Variants in CACNA2D2 observed in about 807,000 individuals in gnomAD.
CACNA2D2 encodes the protein voltage-dependent calcium channel subunit alpha-2/delta-2.
In CACNA2D2, 48 loss-of-function variants were observed where a neutral mutation model predicts 166.4. That is an observed-to-expected ratio of 0.29 (90% CI 0.23 to 0.37). The LOEUF (loss-of-function observed/expected upper bound fraction) is 0.37. Among genes scored for constraint, CACNA2D2 ranks in the 10% least tolerant of loss-of-function variants. CACNA2D2 has a pLI of 1.00. For missense variants in CACNA2D2, 1,122 were observed against 1,433.0 expected, an observed-to-expected ratio of 0.78 and a Z score of 3.50; for synonymous variants, 561 against 573.7, an observed-to-expected ratio of 0.98 and a Z score of 0.32.
In CACNA2D2 at chr3:50,365,957, G is replaced by T; in HGVS notation, c.2862+54C>A. ...ATGTCAGAGGTAGGGGGTCATCTGTGGGCAGGTCTCCCAGTCCCCCCCATC... is the reference window on the plus strand; with the variant it reads ...ATGTCAGAGGTAGGGGGTCATCTGTTGGCAGGTCTCCCAGTCCCCCCCATC... On this transcript the variant is annotated intron_variant, in intron 32 of 37. Coordinates refer to ENST00000424201, the MANE Select transcript of CACNA2D2 (RefSeq NM_006030.4). The surrounding 1 kb of genome is among the most constrained non-coding windows in gnomAD (Gnocchi z 4.5). 3 of 1,610,884 alleles carry T rather than the reference G, an allele frequency of 1.9e-6. No individual in the cohort carries two copies. The highest frequency in any genetic ancestry group is 2.5e-6 in the Non-Finnish European group (3 of 1,178,444).
chr3:50,438,549 G>C lies in CACNA2D2; in HGVS notation c.289-4120C>G, dbSNP rs538011872. On this transcript the variant is annotated intron_variant, in intron 2 of 37. Transcript: ENST00000424201. ...GGACCCTTGCAGGAATGGTGACCTT[G>C]GACAGGAAGCCTGCATGCTGGCAGG... Among the ~76,000 whole-genome samples the C allele has an allele frequency of 2.0e-5, 3 of 152,306 alleles. 1 individual carries two copies. The South Asian group carries it at 6.2e-4, about 32-fold the overall frequency.
chr3:50,466,257 A>AGT (rs200796371), intron 2 of CACNA2D2, among the ~76,000 whole-genome samples: 3,886 of 149,130 alleles, frequency 0.026, 178 homozygotes, highest in African/African-American at 0.09. Flanking sequence ...GCATGGGGGA[A>AGT]GTGTGTGTGT....
intron 1 of CACNA2D2, among the ~76,000 whole-genome samples, chr3:50,491,073 G>C (rs565821198): frequency 5.9e-5 from 9 of 152,208 alleles, no homozygotes; most frequent in Non-Finnish European, 1.0e-4. Context: ...CCCATGGAAT[G>C]AGATGGCTTC....
rs1448275862 is a variant in CACNA2D2 at position 50,364,966 on chromosome 3, G to C, written c.3213C>G (p.Asp1071Glu). Residue 1071 changes from aspartate (D) to glutamate (E), a missense_variant, in exon 37 of 38, where the codon GAC (aspartate) becomes GAG (glutamate). Asp to Glu is a conservative substitution (Grantham distance 45, BLOSUM62 2). Coordinates refer to ENST00000424201, the MANE Select transcript of CACNA2D2 (RefSeq NM_006030.4). ...GCACTAGCTCACACTGCTCCGGGCC[G>C]TCCGCTGGGCATGGGTGGGGAGTCA... The part of the protein sequence containing the change: ...GRLLQKETHS[D>E]GPEQCELVQR... 1.9e-6 allele frequency: 3 copies of C among 1,612,626 alleles called. No homozygotes were observed. Among genetic ancestry groups the C allele is most frequent in the Non-Finnish European group, 2.5e-6 (3 of 1,179,782 alleles).
chr3:50,381,042 A>AGT lies in CACNA2D2; in HGVS notation c.736_737insAC (p.Leu246HisfsTer54). The AGT allele has an allele frequency of 6.2e-7, 1 of 1,613,906 alleles. No homozygotes were observed. The highest frequency in any genetic ancestry group is 8.5e-7 in the Non-Finnish European group (1 of 1,179,872). On this transcript the variant is annotated frameshift_variant, in exon 7 of 38. Transcript: ENST00000424201. LOFTEE classifies it high-confidence loss of function. ...TGTGGCGCTGCCGAAGACCTGCCAC[A>AGT]GCAGTGTGGGGTCTTGTCTGCGGTT... is the stretch of plus-strand genomic sequence containing the variant.
chr3:50,450,291 T>C (rs1037837667), intron 2 of CACNA2D2, among the ~76,000 whole-genome samples: 7 of 152,090 alleles, frequency 4.6e-5, no homozygotes, highest in Non-Finnish European at 1.0e-4. Context: ...ACCCAGTTCC[T>C]GTGTGGGCTT....
chr3:50,394,003 C>A, intron 4 of CACNA2D2, 106 bp downstream of exon 4: 3 of 961,324 alleles, frequency 3.1e-6, no homozygotes, highest in Non-Finnish European at 4.9e-6. Context: ...ACTCCACAGA[C>A]CCCTCTGTGT....
chr3:50,381,277 G>C (rs1205208118), intron 6 of CACNA2D2, 151 bp from the exon 7 acceptor site: 2 of 823,738 alleles, frequency 2.4e-6, no homozygotes, highest in East Asian at 5.1e-5. Flanking sequence ...GCCCAGCTGG[G>C]GCTGCCCCAG....
intron 2 of CACNA2D2, among the ~76,000 whole-genome samples, chr3:50,439,654 G>A (rs898537137): frequency 1.3e-5 from 2 of 152,226 alleles, no homozygotes; most frequent in South Asian, 2.1e-4. Context: ...GACTGTGGGC[G>A]AGGCCTCCTG....
chr3:50,471,543 C>T (rs974875597), intron 2 of CACNA2D2, among the ~76,000 whole-genome samples: 3 of 152,182 alleles, frequency 2.0e-5, no homozygotes, highest in Non-Finnish European at 1.5e-5. Flanking sequence ...AGAGGGCACC[C>T]GCCCAGAGTG....
intron 3 of CACNA2D2, among the ~76,000 whole-genome samples, chr3:50,402,126 T>A (rs1706479375): frequency 6.6e-6 from 1 of 152,336 alleles, no homozygotes. Flanking sequence ...CTGGCTTTCA[T>A]TGCTTTTTTG....
chr3:50,382,018 A>ACACACC (rs961831935), intron 6 of CACNA2D2, among the ~76,000 whole-genome samples: 10 of 151,656 alleles, frequency 6.6e-5, no homozygotes, highest in African/African-American at 1.7e-4. Context: ...ACACACACAC[A>ACACACC]CACAAACAAG....
intron 2 of CACNA2D2, among the ~76,000 whole-genome samples, chr3:50,470,412 C>A (rs1478621775): frequency 6.6e-6 from 1 of 152,148 alleles, no homozygotes; most frequent in Non-Finnish European, 1.5e-5. Context: ...ACAGGCATCC[C>A]AGGACAGTCC....
chr3:50,446,497 T>G (rs1416754209), intron 2 of CACNA2D2, among the ~76,000 whole-genome samples: 1 of 152,210 alleles, frequency 6.6e-6, no homozygotes, highest in Non-Finnish European at 1.5e-5. Context: ...TGGGATCCTG[T>G]AACTCCTCTT....
At chr3:50,422,766 G>T (rs141456760) in intron 3 of CACNA2D2, among the ~76,000 whole-genome samples, 2 of 152,206 alleles carry the variant, frequency 1.3e-5, no homozygotes, top group Non-Finnish European at 2.9e-5. Flanking sequence ...CTGCAATCTC[G>T]CCTGGCGCTT....
rs752108747 is a variant in CACNA2D2 at position 50,379,928 on chromosome 3, G to A, written c.893+40C>T. On this transcript the variant is annotated intron_variant, in intron 9 of 37. Transcript: ENST00000424201. This position sits in a 1 kb window ranked among gnomAD's most constrained non-coding sequence, Gnocchi z 6.5. ...GGCAGCAGAGTCTAGCCCATTGCCC[G>A]TCCCTGCCCCAGCCCCACTTGCCAG... is the stretch of plus-strand genomic sequence containing the variant. 58 of 1,613,498 alleles carry A rather than the reference G, an allele frequency of 3.6e-5. 1 individual carries two copies. In the Middle Eastern group the frequency reaches 4.8e-3, roughly 133 times the overall value.
intron 3 of CACNA2D2, among the ~76,000 whole-genome samples, chr3:50,399,336 C>CT (rs1261472171): frequency 6.6e-6 from 1 of 152,210 alleles, no homozygotes; most frequent in East Asian, 1.9e-4. Context: ...GTTCTTTGGT[C>CT]TTAATTAGTT....
intron 3 of CACNA2D2, among the ~76,000 whole-genome samples, chr3:50,405,589 G>C (rs140950785): frequency 6.6e-6 from 1 of 152,296 alleles, no homozygotes; most frequent in Non-Finnish European, 1.5e-5. Flanking sequence ...GACAGAAACG[G>C]TAGGTCTGCT....
intron 1 of CACNA2D2, among the ~76,000 whole-genome samples, chr3:50,500,020 G>T (rs1302940921): frequency 6.6e-6 from 1 of 152,176 alleles, no homozygotes; most frequent in Non-Finnish European, 1.5e-5. Context: ...GGAAGATGGG[G>T]GACCCAGATG....
Sources: allele counts gnomAD v4.1 joint callset (sites outside exome capture counted in the v4.1 genomes callset), GRCh38; gene constraint gnomAD v4.1.1; non-coding constraint Gnocchi (gnomAD v3.1); transcripts MANE v1.5; gene names NCBI Gene and HGNC (gene_info 2026-07-23, HGNC 2026-07-21).